PTPRD: variants seen among roughly 807,000 people sequenced by gnomAD.
PTPRD encodes the protein protein tyrosine phosphatase receptor type D.
In PTPRD, 34 loss-of-function variants were observed where a neutral mutation model predicts 214.5. That is an observed-to-expected ratio of 0.16 (90% CI 0.12 to 0.21). The LOEUF is 0.21. Among genes scored for constraint, PTPRD ranks in the 10% least tolerant of loss-of-function variants. The pLI is 1.00. For synonymous variants in PTPRD, 1,128 were observed against 845.7 expected (o/e 1.33, Z -5.79); for missense variants, 2,545 against 2,398.7 (o/e 1.06, Z -1.27).
intron 10 of PTPRD, among the ~76,000 whole-genome samples, chr9:9,123,179 G>A (rs2099819239): frequency 6.6e-6 from 1 of 152,262 alleles, no homozygotes; most frequent in South Asian, 2.1e-4. Context: ...TTCATTTGCG[G>A]TTAGATTTAG....
chr9:9,731,892 A>G lies in PTPRD; in HGVS notation c.-287+2641T>C, dbSNP rs571828678. Reference sequence around the variant, plus strand: ...GGTATGCTGCAGTAAAGAGAACAAGATGACATTGTTTCCTCATTTAGCAAA... The same window carrying G: ...GGTATGCTGCAGTAAAGAGAACAAGGTGACATTGTTTCCTCATTTAGCAAA... On this transcript the variant is annotated intron_variant, in intron 7 of 45. Coordinates refer to ENST00000381196, the MANE Select transcript of PTPRD (RefSeq NM_002839.4). 6.9e-4 allele frequency among the ~76,000 whole-genome samples: 105 copies of G among 152,312 alleles called. 1 individual carries two copies. The highest frequency in any genetic ancestry group is 2.5e-3 in the African/African-American group (105 of 41,568).
intron 8 of PTPRD, among the ~76,000 whole-genome samples, chr9:9,440,390 TA>T: frequency 6.6e-6 from 1 of 152,314 alleles, no homozygotes; most frequent in African/African-American, 2.4e-5. Flanking sequence ...ATCAAATTGT[TA>T]AATGCAAAAG....
intron 4 of PTPRD, among the ~76,000 whole-genome samples, chr9:9,984,017 A>C (rs1330518309): frequency 6.6e-6 from 1 of 152,152 alleles, no homozygotes; most frequent in Non-Finnish European, 1.5e-5. Context: ...GAAGTAAAAC[A>C]AAAAAATTGA....
chr9:8,594,198 C>G (rs1004368759), intron 14 of PTPRD, among the ~76,000 whole-genome samples: 2 of 152,168 alleles, frequency 1.3e-5, no homozygotes, highest in African/African-American at 4.8e-5. Flanking sequence ...ATCCCCACTC[C>G]ATGACACTCA....
At chr9:9,341,965 T>C (rs1389217724) in intron 9 of PTPRD, among the ~76,000 whole-genome samples, 4 of 151,980 alleles carry the variant, frequency 2.6e-5, no homozygotes, top group East Asian at 1.9e-4. Flanking sequence ...TGTGCCACCA[T>C]GCCCAGTTAT....
At chr9:8,562,713 A>C (rs543941902) in intron 14 of PTPRD, among the ~76,000 whole-genome samples, 1 of 152,312 alleles carries the variant, frequency 6.6e-6, no homozygotes, top group South Asian at 2.1e-4. Flanking sequence ...CCAGGATTAC[A>C]GGCCTGAGCC....
At chr9:8,370,636 C>G (rs2081261712) in intron 39 of PTPRD, among the ~76,000 whole-genome samples, 1 of 151,972 alleles carries the variant, frequency 6.6e-6, no homozygotes, top group African/African-American at 2.4e-5. Context: ...GAAAGAAAGG[C>G]CAGAATATAG....
At chr9:8,690,173 A>G (rs1260926325) in intron 12 of PTPRD, among the ~76,000 whole-genome samples, 6 of 152,080 alleles carry the variant, frequency 3.9e-5, no homozygotes. Context: ...CTTCTGCAAC[A>G]AAGTCACAAA....
intron 9 of PTPRD, among the ~76,000 whole-genome samples, chr9:9,249,074 G>A (rs1045317025): frequency 6.6e-6 from 1 of 152,062 alleles, no homozygotes; most frequent in Non-Finnish European, 1.5e-5. Context: ...AGTGGGAGGT[G>A]TTTGGGTAGT....
At chr9:9,484,486 C>A (rs1310046062) in intron 8 of PTPRD, among the ~76,000 whole-genome samples, 1 of 152,076 alleles carries the variant, frequency 6.6e-6, no homozygotes, top group Non-Finnish European at 1.5e-5. Flanking sequence ...ACATGGATGT[C>A]TACGTATGCA....
intron 20 of PTPRD, among the ~76,000 whole-genome samples, chr9:8,520,921 T>A (rs1428257657): frequency 6.6e-6 from 1 of 152,122 alleles, no homozygotes; most frequent in Non-Finnish European, 1.5e-5. Flanking sequence ...TTGACTTTTC[T>A]TGGGGTTCTT....
At chr9:8,534,252 A>C (rs2076384645) in intron 14 of PTPRD, among the ~76,000 whole-genome samples, 1 of 152,036 alleles carries the variant, frequency 6.6e-6, no homozygotes, top group South Asian at 2.1e-4. Flanking sequence ...ACATGACAAA[A>C]CCACATGTAT....
At chr9:9,376,231 G>A (rs996656505) in intron 9 of PTPRD, among the ~76,000 whole-genome samples, 1 of 152,024 alleles carries the variant, frequency 6.6e-6, no homozygotes, top group African/African-American at 2.4e-5. Flanking sequence ...TAATCTATAT[G>A]TATAGGATAG....
At chr9:10,014,994 C>A (rs941250450) in intron 4 of PTPRD, among the ~76,000 whole-genome samples, 1 of 152,052 alleles carries the variant, frequency 6.6e-6, no homozygotes, top group Non-Finnish European at 1.5e-5. Context: ...ATGGTAATAG[C>A]CACATGGCAT....
intron 11 of PTPRD, among the ~76,000 whole-genome samples, chr9:8,903,566 T>C (rs954533969): frequency 1.3e-5 from 2 of 152,228 alleles, no homozygotes. Context: ...GGATGAATGT[T>C]GTTGCACTGT....
chr9:9,783,475 A>T (rs1335321689), intron 5 of PTPRD, among the ~76,000 whole-genome samples: 1 of 152,146 alleles, frequency 6.6e-6, no homozygotes, highest in Non-Finnish European at 1.5e-5. Flanking sequence ...TGAACTTACA[A>T]ATTAAAATGT....
chr9:9,058,682 C>G (rs574936980), intron 10 of PTPRD, among the ~76,000 whole-genome samples: 239 of 151,428 alleles, frequency 1.6e-3, no homozygotes, highest in Non-Finnish European at 2.6e-3. Context: ...ATCTCCTGAC[C>G]TCGTGATCCG....
At chr9:10,121,549 A>G (rs961306289) in intron 3 of PTPRD, among the ~76,000 whole-genome samples, 1 of 152,206 alleles carries the variant, frequency 6.6e-6, no homozygotes, top group African/African-American at 2.4e-5. Context: ...GAGGAAATTT[A>G]CAGCCTATCC....
At chr9:8,441,300 G>T (rs1590564992) in intron 34 of PTPRD, among the ~76,000 whole-genome samples, 2 of 152,154 alleles carry the variant, frequency 1.3e-5, no homozygotes, top group Admixed American at 6.5e-5. Flanking sequence ...CATCTTTAGG[G>T]CTAGTGTACA....
Sources: gnomAD v4.1 joint callset for allele counts (sites outside exome capture counted in the v4.1 genomes callset) on GRCh38, gnomAD v4.1.1 for gene constraint, MANE v1.5 for transcripts, NCBI Gene and HGNC (gene_info 2026-07-23, HGNC 2026-07-21) for gene names.